Variants in KMT2C observed in about 807,000 individuals in gnomAD.
The protein encoded by KMT2C is histone-lysine N-methyltransferase 2C.
Under a neutral mutation model 507.9 loss-of-function variants are expected in KMT2C, and 88 were observed. The observed-to-expected ratio is 0.17, with a 90% CI of 0.15 to 0.21. The LOEUF is 0.21. Ranked by LOEUF, KMT2C falls within the 10% of genes least tolerant of loss-of-function variation. The probability of loss-of-function intolerance (pLI) is 1.00; values close to 1 mark genes in which losing one functional copy is unlikely to be tolerated. For synonymous variants in KMT2C, 2,049 were observed against 2,080.8 expected, an observed-to-expected ratio of 0.98 and a Z score of 0.42; for missense variants, 4,954 against 5,957.8, an observed-to-expected ratio of 0.83 and a Z score of 5.55.
chr7:152,148,771 A>G lies in KMT2C; in HGVS notation c.13156T>C (p.Leu4386=). ...GGATCAGGTTTAAGGGAAGTGCCCA[A>G]TTTCTTTAGAAATTCATCTATTTCA... ...EDEIDEFLKK[L]GTSLKPDPVP... is the part of the protein sequence containing the mutation. The change falls in exon 52 of 59, where the codon TTG becomes CTG. Residue 4386 remains leucine (L), a synonymous_variant. Transcript: ENST00000262189. The surrounding 1 kb of genome is among the most constrained non-coding windows in gnomAD (Gnocchi z 7.1). The G allele has an allele frequency of 6.2e-7, 1 of 1,614,236 alleles. No homozygotes were observed. The highest frequency in any genetic ancestry group is 8.5e-7 in the Non-Finnish European group (1 of 1,180,044).
chr7:152,160,964 A>G (rs555214487), intron 43 of KMT2C, among the ~76,000 whole-genome samples: 2 of 152,316 alleles, frequency 1.3e-5, no homozygotes, highest in East Asian at 1.9e-4. Flanking sequence ...ACTGCATTTC[A>G]AAAGATAAAA....
intron 38 of KMT2C, among the ~76,000 whole-genome samples, 193 bp downstream of exon 38, chr7:152,175,998 G>A (rs66525027): frequency 0.05 from 7,583 of 152,198 alleles, 317 homozygotes; most frequent in East Asian, 0.17. Context: ...AGCCGAGATC[G>A]CGCCACTGCA....
intron 1 of KMT2C, among the ~76,000 whole-genome samples, chr7:152,365,492 T>C (rs1473074026): frequency 1.2e-4 from 19 of 152,060 alleles, no homozygotes; most frequent in Admixed American, 1.2e-3. Flanking sequence ...GGCGGCAGAG[T>C]GAGACCCTGT....
chr7:152,299,640 C>A (rs1589024472), intron 6 of KMT2C, among the ~76,000 whole-genome samples: 2 of 151,904 alleles, frequency 1.3e-5, no homozygotes, highest in East Asian at 3.9e-4. Flanking sequence ...CAGAGTAAGA[C>A]CCCATCTTGG....
chr7:152,431,067 T>C (rs889462824), intron 1 of KMT2C, among the ~76,000 whole-genome samples: 5 of 152,182 alleles, frequency 3.3e-5, no homozygotes, highest in Non-Finnish European at 5.9e-5. Flanking sequence ...ATTCTGGCAT[T>C]ATGGAATTAA....
chr7:152,287,377 T>A (rs946195063), intron 6 of KMT2C, among the ~76,000 whole-genome samples: 1 of 152,222 alleles, frequency 6.6e-6, no homozygotes, highest in African/African-American at 2.4e-5. Context: ...TTTTCACTCC[T>A]ACTCAGCATT....
In KMT2C at chr7:152,174,218, A is replaced by G; in HGVS notation, c.9287T>C (p.Ile3096Thr). ...NIDFDAITDP[I>T]MKAKMVALKG... ...AAGGGCCACCATTTTGGCTTTCATT[A>G]TAGGATCTGTAATTGCATCAAAATC... Residue 3096 changes from isoleucine to threonine, a missense_variant, in exon 39 of 59, where the codon ATA becomes ACA. Coordinates refer to ENST00000262189, the MANE Select transcript of KMT2C (RefSeq NM_170606.3). The G allele has an allele frequency of 1.3e-6, 2 of 1,597,604 alleles. No homozygotes were observed. Among genetic ancestry groups the G allele is most frequent in the Non-Finnish European group, 1.7e-6 (2 of 1,167,868 alleles).
intron 23 of KMT2C, among the ~76,000 whole-genome samples, chr7:152,219,142 G>C (rs1317598685): frequency 6.6e-6 from 1 of 151,964 alleles, no homozygotes; most frequent in African/African-American, 2.4e-5. Flanking sequence ...GCTAATTTTT[G>C]TATTTTTAGC....
chr7:152,285,055 T>C (rs1360899014), intron 6 of KMT2C, among the ~76,000 whole-genome samples: 3 of 152,252 alleles, frequency 2.0e-5, no homozygotes, highest in Non-Finnish European at 4.4e-5. Context: ...TCCTAGGTAT[T>C]TACCCAAGAA....
At chr7:152,153,989 A>G in intron 48 of KMT2C, 21 bp downstream of exon 48, 1 of 1,611,384 alleles carries the variant, frequency 6.2e-7, no homozygotes, top group South Asian at 1.1e-5. Flanking sequence ...TTTAACATTA[A>G]GAAGTCATTT....
intron 10 of KMT2C, 54 bp downstream of exon 10, chr7:152,252,492 C>A: frequency 7.0e-7 from 1 of 1,432,914 alleles, no homozygotes; most frequent in Admixed American, 1.7e-5. Context: ...GAGCAAATGA[C>A]CACATGAATA....
intron 2 of KMT2C, among the ~76,000 whole-genome samples, chr7:152,349,622 A>G (rs1342743203): frequency 1.3e-5 from 2 of 152,114 alleles, no homozygotes; most frequent in Admixed American, 6.5e-5. Flanking sequence ...TGGTTGCCAT[A>G]GGTTAGCAAG....
intron 6 of KMT2C, among the ~76,000 whole-genome samples, chr7:152,275,388 C>T (rs2096063679): frequency 1.3e-5 from 2 of 152,118 alleles, no homozygotes; most frequent in East Asian, 1.9e-4. Context: ...ACTAAAAATA[C>T]AAAAAATTAG....
intron 46 of KMT2C, chr7:152,154,852 C>CAA (rs889995431): frequency 2.0e-5 from 3 of 148,700 alleles, no homozygotes; most frequent in Non-Finnish European, 4.4e-5. Flanking sequence ...TTTAAAAAGA[C>CAA]AAAAAAAAAA....
At chr7:152,314,643 T>C (rs142814916) in intron 4 of KMT2C, among the ~76,000 whole-genome samples, 2 of 152,242 alleles carry the variant, frequency 1.3e-5, no homozygotes, top group African/African-American at 4.8e-5. Context: ...CAAACTTATA[T>C]ATAAATTAAA....
intron 18 of KMT2C, among the ~76,000 whole-genome samples, chr7:152,225,027 T>A (rs546686637): frequency 3.9e-5 from 6 of 152,220 alleles, no homozygotes; most frequent in Admixed American, 3.3e-4. Flanking sequence ...ACCAAAAAAA[T>A]TAATGTAAGG....
intron 7 of KMT2C, among the ~76,000 whole-genome samples, chr7:152,268,258 G>GA (rs1333988027): frequency 6.6e-6 from 1 of 151,738 alleles, no homozygotes; most frequent in Non-Finnish European, 1.5e-5. Flanking sequence ...CAGCCTGGGG[G>GA]ACAGAGTGAG....
chr7:152,298,342 A>G (rs982588367), intron 6 of KMT2C, among the ~76,000 whole-genome samples: 7 of 152,216 alleles, frequency 4.6e-5, no homozygotes, highest in African/African-American at 1.7e-4. Flanking sequence ...AGAAAATTAC[A>G]TTAAGGGATA....
At chr7:152,136,978 T>C in intron 58 of KMT2C, 54 bp from the exon 59 acceptor site, 1 of 1,327,898 alleles carries the variant, frequency 7.5e-7, no homozygotes, top group Non-Finnish European at 1.1e-6. Context: ...GGCAATAGCG[T>C]TTCTGCCTCC....
Sources: gnomAD v4.1 joint callset for allele counts (sites outside exome capture counted in the v4.1 genomes callset) on GRCh38, gnomAD v4.1.1 for gene constraint, Gnocchi (gnomAD v3.1) non-coding constraint, MANE v1.5 for transcripts, NCBI Gene and HGNC (gene_info 2026-07-23, HGNC 2026-07-21) for gene names.